The following HDLBP variants were observed in gnomAD, a reference collection of about 807,000 sequenced individuals.
HDLBP encodes the protein vigilin.
HDLBP carries 30 observed loss-of-function variants against 137.3 expected under a neutral mutation model. The observed-to-expected ratio is 0.22, with a 90% CI of 0.16 to 0.30. HDLBP has a LOEUF of 0.30. Among genes scored for constraint, HDLBP ranks in the 10% least tolerant of loss-of-function variants. HDLBP has a pLI of 1.00. For synonymous variants in HDLBP, 606 were observed against 596.0 expected (o/e 1.02, Z -0.24); for missense variants, 1,119 against 1,667.3 (o/e 0.67, Z 5.73).
intron 24 of HDLBP, among the ~76,000 whole-genome samples, chr2:241,232,900 A>C (rs2069944368): frequency 6.6e-6 from 1 of 152,052 alleles, no homozygotes. Flanking sequence ...GAGCTGGAGG[A>C]GGCAGGGTGC....
chr2:241,265,802 AT>A (rs1327579610), intron 3 of HDLBP, among the ~76,000 whole-genome samples: 2 of 152,198 alleles, frequency 1.3e-5, no homozygotes, highest in Non-Finnish European at 2.9e-5. Flanking sequence ...AGGTGGAAGC[AT>A]TCTTTCAGTG....
rs2071120761 is a variant in HDLBP at position 241,240,702 on chromosome 2, T to G, written c.2170-580A>C. On this transcript the variant is annotated intron_variant, in intron 17 of 27. Transcript: ENST00000310931. The surrounding 1 kb of genome is among the most constrained non-coding windows in gnomAD (Gnocchi z 5.5). ...GACACAAGCCAACCAAGGCTACAGT[T>G]AGAGACCGGTCCTCAGAGGCCTCGT... Among the ~76,000 whole-genome samples, 1 of 151,418 alleles carries G rather than the reference T, an allele frequency of 6.6e-6. No homozygotes were observed. The highest frequency in any genetic ancestry group is 1.5e-5 in the Non-Finnish European group (1 of 68,002).
At chr2:241,292,196 C>T (rs1011568469) in intron 1 of HDLBP, among the ~76,000 whole-genome samples, 2 of 151,872 alleles carry the variant, frequency 1.3e-5, no homozygotes, top group Non-Finnish European at 1.5e-5. Context: ...CCCCACCCCC[C>T]CAACAACAAA....
chr2:241,268,823 C>CTT (rs886904847), intron 1 of HDLBP: 3 of 152,204 alleles, frequency 2.0e-5, no homozygotes, highest in African/African-American at 7.2e-5. Context: ...AACTTCTAAA[C>CTT]TTAACTATTT....
At chr2:241,267,557 G>C (rs1559526139) in intron 2 of HDLBP, 2 of 1,533,512 alleles carry the variant, frequency 1.3e-6, no homozygotes, top group Non-Finnish European at 1.7e-6. Context: ...TGGTTATTCT[G>C]TCAATTTGCT....
chr2:241,230,078 T>G lies in HDLBP; in HGVS notation c.3591+75A>C. 6.3e-7 allele frequency: 1 copy of G among 1,586,974 alleles called. No homozygotes were observed. The highest frequency in any genetic ancestry group is 2.2e-5 in the East Asian group (1 of 44,588). On this transcript the variant is annotated intron_variant, in intron 26 of 27. Coordinates refer to ENST00000310931, the MANE Select transcript of HDLBP (RefSeq NM_005336.6). This position sits in a 1 kb window ranked among gnomAD's most constrained non-coding sequence, Gnocchi z 5.0. ...GAAACACAAGTGCCACCTTGTCCCC[T>G]GAAGCTCCTGGCTGGGCCTCAGGCC...
chr2:241,240,030 G>A lies in HDLBP; in HGVS notation c.2262C>T (p.Arg754=), dbSNP rs143039216. The A allele has an allele frequency of 8.7e-5, 140 of 1,614,176 alleles. 1 individual carries two copies. In the African/African-American group the frequency reaches 1.3e-3, roughly 15 times the overall value. The change falls in exon 18 of 28, where the codon CGC becomes CGT. Residue 754 remains arginine (R), a synonymous_variant. Coordinates refer to ENST00000310931, the MANE Select transcript of HDLBP (RefSeq NM_005336.6). This position sits in a 1 kb window ranked among gnomAD's most constrained non-coding sequence, Gnocchi z 5.5. ...AGATGACACGTGCTCCAGTGCTGTC[G>A]CGCACCTTGCGAATTTTGCCGCCCC... ...GKGGGKIRKV[R]DSTGARVIFP...
Position 241,247,439 on chromosome 2 carries a change from C to G in HDLBP, c.1732-297G>C, listed in dbSNP as rs946258885. On this transcript the variant is annotated intron_variant, in intron 14 of 27. Transcript: ENST00000310931. ...AGAACACACATGGAGACAGCACGGA[C>G]CCCTACGCTCTGGGCAATTCTGCAC... The G allele has an allele frequency of 1.7e-5, 7 of 403,894 alleles. No homozygotes were observed. In the Admixed American group the frequency reaches 1.8e-4, roughly 11 times the overall value. The allele number at this position is 403,894 out of a possible 1,614,324, so 25.0% of individuals were successfully genotyped here. A position where few individuals can be genotyped will look rare whatever the true frequency, so the allele number is the denominator to read the frequency against.
chr2:241,233,562 G>A lies in HDLBP; in HGVS notation c.3288+258C>T, dbSNP rs1331577320. ...GCCACTGATCAAGGACCCAGCTGGA[G>A]CTCCTGCTCATTTTCTGGAAGGAGA... On this transcript the variant is annotated intron_variant, in intron 24 of 27. Transcript: ENST00000310931. This position sits in a 1 kb window ranked among gnomAD's most constrained non-coding sequence, Gnocchi z 4.3. 2.0e-5 allele frequency among the ~76,000 whole-genome samples: 3 copies of A among 152,128 alleles called. No homozygotes were observed. The highest frequency in any genetic ancestry group is 7.2e-5 in the African/African-American group (3 of 41,394).
intron 16 of HDLBP, among the ~76,000 whole-genome samples, chr2:241,245,957 T>C (rs926363574): frequency 2.0e-5 from 3 of 152,164 alleles, no homozygotes; most frequent in Admixed American, 1.3e-4. Flanking sequence ...TGCAGGACTA[T>C]TCTAAAAAAC....
In HDLBP at chr2:241,272,233, A is replaced by G; in HGVS notation, c.-102-3692T>C. On this transcript the variant is annotated intron_variant, in intron 1 of 27. Transcript: ENST00000310931. This position sits in a 1 kb window ranked among gnomAD's most constrained non-coding sequence, Gnocchi z 5.6. The stretch of plus-strand genomic sequence containing the variant: ...GGGCCCCGCCGCCCGGTCTGCGCCC[A>G]GACCCCCGCCCCGCCGCCACCTGGG... 1 of 967,520 alleles carries G rather than the reference A, an allele frequency of 1.0e-6. No individual in the cohort carries two copies. Among genetic ancestry groups the G allele is most frequent in the Non-Finnish European group, 1.2e-6 (1 of 814,274 alleles). The allele number at this position is 967,520 out of a possible 1,614,324, so 59.9% of individuals were successfully genotyped here. A position where few individuals can be genotyped will look rare whatever the true frequency, so the allele number is the denominator to read the frequency against.
At chr2:241,263,768 A>T (rs886813584) in intron 4 of HDLBP, among the ~76,000 whole-genome samples, 2 of 152,204 alleles carry the variant, frequency 1.3e-5, no homozygotes, top group African/African-American at 4.8e-5. Context: ...GAAAACCAGG[A>T]AACTGGTTAA....
chr2:241,236,375 C>A, intron 21 of HDLBP: 1 of 552,706 alleles, frequency 1.8e-6, no homozygotes, highest in South Asian at 2.2e-5. Flanking sequence ...AGGCCGGATC[C>A]CATGCAGCTG....
In HDLBP at chr2:241,233,708, T is replaced by A; in HGVS notation, c.3288+112A>T. 3 of 1,192,550 alleles carry A rather than the reference T, an allele frequency of 2.5e-6. No homozygotes were observed. The highest frequency in any genetic ancestry group is 3.6e-6 in the Non-Finnish European group (3 of 830,734). The allele number at this position is 1,192,550 out of a possible 1,614,324, so 73.9% of individuals were successfully genotyped here. On this transcript the variant is annotated intron_variant, in intron 24 of 27. Transcript: ENST00000310931. This position sits in a 1 kb window ranked among gnomAD's most constrained non-coding sequence, Gnocchi z 4.3. ...AATTAGGTCCTGAGAGACTTGCCAC[T>A]CTCAACTTGGCCCTCGAACCCCCAT...
In HDLBP at chr2:241,229,318, C is replaced by G; in HGVS notation, c.*283G>C. Reference sequence around the variant, plus strand: ...CTCGTGATGAAGGCCAGAGTGCTGACTGACATGCCGGGTGGACCAGGAGCT... The same window carrying G: ...CTCGTGATGAAGGCCAGAGTGCTGAGTGACATGCCGGGTGGACCAGGAGCT... On this transcript the variant is annotated 3_prime_UTR_variant, in exon 28 of 28. Transcript: ENST00000310931. 1 of 358,170 alleles carries G rather than the reference C, an allele frequency of 2.8e-6. No individual in the cohort carries two copies. The highest frequency in any genetic ancestry group is 7.2e-5 in the East Asian group (1 of 13,906). The allele number at this position is 358,170 out of a possible 1,614,324, so 22.2% of individuals were successfully genotyped here. A position where few individuals can be genotyped will look rare whatever the true frequency, so the allele number is the denominator to read the frequency against.
chr2:241,282,538 T>C (rs1281756069), intron 1 of HDLBP, among the ~76,000 whole-genome samples: 1 of 152,238 alleles, frequency 6.6e-6, no homozygotes, highest in African/African-American at 2.4e-5. Context: ...TTCTCTTACT[T>C]GGGTTTTTTA....
At chr2:241,235,885 A>G (rs1238007767) in intron 21 of HDLBP, among the ~76,000 whole-genome samples, 1 of 152,170 alleles carries the variant, frequency 6.6e-6, no homozygotes, top group Non-Finnish European at 1.5e-5. Context: ...GACTCCTGGC[A>G]CATCCTCGGG....
chr2:241,267,694 G>A (rs1208167342), intron 2 of HDLBP: 1 of 1,535,404 alleles, frequency 6.5e-7, no homozygotes. Context: ...TTAACCAGGT[G>A]GTTATAAGTG....
Position 241,229,399 on chromosome 2 carries a change from G to T in HDLBP, c.*202C>A. ...GACCTTGGTTTAGTGTTAAACAGTGGAGCAGGTCCTGAGCGGGCACGGCCA... is the reference window on the plus strand; with the variant it reads ...GACCTTGGTTTAGTGTTAAACAGTGTAGCAGGTCCTGAGCGGGCACGGCCA... On this transcript the variant is annotated 3_prime_UTR_variant, in exon 28 of 28. Transcript: ENST00000310931. 1.9e-6 allele frequency: 1 copy of T among 529,584 alleles called. No individual in the cohort carries two copies. The highest frequency in any genetic ancestry group is 3.4e-6 in the Non-Finnish European group (1 of 290,958). 32.8% of individuals were successfully genotyped at this position (529,584 alleles called of 1,614,324 possible). A position where few individuals can be genotyped will look rare whatever the true frequency, so the allele number is the denominator to read the frequency against.
Sources: allele counts gnomAD v4.1 joint callset (sites outside exome capture counted in the v4.1 genomes callset), GRCh38; gene constraint gnomAD v4.1.1; non-coding constraint Gnocchi (gnomAD v3.1); transcripts MANE v1.5; gene names NCBI Gene and HGNC (gene_info 2026-07-23, HGNC 2026-07-21).